Variants in INTS1 observed in about 807,000 individuals in gnomAD.
INTS1 encodes integrator complex subunit 1.
INTS1 carries 137 observed loss-of-function variants against 241.6 expected under a neutral mutation model. That is an observed-to-expected ratio of 0.57 (90% confidence interval 0.49 to 0.65). INTS1 has a LOEUF of 0.65. Ranked by LOEUF, INTS1 falls within the 30% of genes least tolerant of loss-of-function variation. INTS1 has a pLI of 0.00. For synonymous variants in INTS1, 1,692 were observed against 1,337.8 expected (o/e 1.26, Z -5.78); for missense variants, 3,073 against 3,032.2 (o/e 1.01, Z -0.32).
Position 1,499,177 on chromosome 7 carries a change from G to T in INTS1, c.951-16C>A. The stretch of plus-strand genomic sequence containing the variant: ...CTCTTCGTACCTAGGCCAGAGGAGG[G>T]AGCGAGGAGGGAGGAAGGTGGCCCC... On this transcript the variant is annotated splice_polypyrimidine_tract_variant and intron_variant, in intron 7 of 47. Transcript: ENST00000404767. The T allele has an allele frequency of 6.2e-7, 1 of 1,606,526 alleles. No individual in the cohort carries two copies.
chr7:1,488,537 A>G (rs2128539765), intron 18 of INTS1, among the ~76,000 whole-genome samples: 1 of 152,190 alleles, frequency 6.6e-6, no homozygotes, highest in East Asian at 1.9e-4. Flanking sequence ...ACAGGCAGAC[A>G]CACACCCAGT....
At chr7:1,499,210 C>T in intron 7 of INTS1, 45 bp downstream of exon 7, 2 of 1,603,422 alleles carry the variant, frequency 1.2e-6, no homozygotes, top group Non-Finnish European at 1.7e-6. Flanking sequence ...CCCGAGGCGC[C>T]CGCCCCCGCC....
chr7:1,489,900 T>C (rs1400322193), intron 16 of INTS1, among the ~76,000 whole-genome samples: 1 of 152,216 alleles, frequency 6.6e-6, no homozygotes, highest in Non-Finnish European at 1.5e-5. Flanking sequence ...TCTAAGTCTC[T>C]GTTTCCCATC....
intron 22 of INTS1, 34 bp downstream of exon 22, chr7:1,486,591 G>T (rs539539756): frequency 6.3e-7 from 1 of 1,599,828 alleles, no homozygotes; most frequent in Non-Finnish European, 8.5e-7. Context: ...TAAACATGAA[G>T]AGCGTGCGCA....
chr7:1,474,890 C>A, intron 39 of INTS1, 52 bp from the exon 40 acceptor site: 10 of 1,532,258 alleles, frequency 6.5e-6, no homozygotes, highest in Non-Finnish European at 8.8e-6. Context: ...CTCACTTGCC[C>A]ACCCACACTC....
chr7:1,495,191 G>A (rs1396388292), intron 13 of INTS1, among the ~76,000 whole-genome samples: 5 of 152,340 alleles, frequency 3.3e-5, no homozygotes, highest in Non-Finnish European at 5.9e-5. Flanking sequence ...GAGGCTCCAC[G>A]GGAGGCTCCA....
chr7:1,500,616 C>T (rs934826943), intron 3 of INTS1, among the ~76,000 whole-genome samples: 9 of 152,218 alleles, frequency 5.9e-5, no homozygotes, highest in Non-Finnish European at 1.2e-4. Context: ...CGCTGTGTCC[C>T]ACACGACTAC....
At chr7:1,485,552 G>A (rs1782217865) in intron 22 of INTS1, 83 bp from the exon 23 acceptor site, 1 of 1,395,596 alleles carries the variant, frequency 7.2e-7, no homozygotes, top group Non-Finnish European at 9.7e-7. Flanking sequence ...CACGCATGGT[G>A]CCCTCAGAGC....
At chr7:1,501,945 ATC>A (rs1385436792) in intron 3 of INTS1, among the ~76,000 whole-genome samples, 2 of 152,006 alleles carry the variant, frequency 1.3e-5, no homozygotes, top group Non-Finnish European at 2.9e-5. Context: ...CCCCGGTTTC[ATC>A]GCCTGTGCTT....
In INTS1 at chr7:1,489,382, G is replaced by A; in HGVS notation, c.2280C>T (p.Tyr760=). 9.2e-7 allele frequency: 1 copy of A among 1,088,592 alleles called. No individual in the cohort carries two copies. Among genetic ancestry groups the A allele is most frequent in the Non-Finnish European group, 1.1e-6 (1 of 895,748 alleles). The allele number at this position is 1,088,592 out of a possible 1,614,324, so 67.4% of individuals were successfully genotyped here. Residue 760 remains tyrosine (Y), a synonymous_variant, in exon 18 of 48, where the codon TAC becomes TAT. Coordinates refer to ENST00000404767, the MANE Select transcript of INTS1 (RefSeq NM_001080453.3). The stretch of plus-strand genomic sequence containing the variant: ...TCTCCATGAGCATCTTCAGGGTCGG[G>A]TACTCCTCCCACGCAGCCAGGCCTA... ...ENIGLAAWEE[Y]PTLKMLMEMV...
chr7:1,502,726 A>G (rs1337005928), intron 3 of INTS1, among the ~76,000 whole-genome samples, 175 bp downstream of exon 3: 2 of 152,214 alleles, frequency 1.3e-5, no homozygotes, highest in African/African-American at 4.8e-5. Flanking sequence ...AGATGCACAC[A>G]CGGGATAAGG....
intron 41 of INTS1, 26 bp downstream of exon 41, chr7:1,474,122 AGAGGGAGTGGAAGGGAGCGC>A: frequency 6.6e-7 from 1 of 1,520,682 alleles, no homozygotes. Flanking sequence ...GGGCCAGAGC[AGAGGGAGTGGAAGGGAGCGC>A]GAGGGCGGGC....
Position 1,480,377 on chromosome 7 carries a change from C to A in INTS1, c.4014G>T (p.Arg1338=), listed in dbSNP as rs765105302. The change falls in exon 30 of 48, where the codon CGG becomes CGT. Residue 1338 remains arginine, a synonymous_variant. Coordinates refer to ENST00000404767, the MANE Select transcript of INTS1 (RefSeq NM_001080453.3). ...CCAGCACCCGGAGCTGGGTCCCCAC[C>A]CGAATCCGGCCCTGGCCTATGGGCT... ...PEQPIGQGRI[R]VGTQLRVLGP... is the part of the protein sequence containing the mutation. The A allele has an allele frequency of 6.2e-7, 1 of 1,612,582 alleles. No individual in the cohort carries two copies. The highest frequency in any genetic ancestry group is 2.2e-5 in the East Asian group (1 of 44,860).
At chr7:1,485,673 C>G (rs1782224900) in intron 22 of INTS1, 9 of 602,606 alleles carry the variant, frequency 1.5e-5, no homozygotes, top group Non-Finnish European at 2.6e-5. Flanking sequence ...TGAAGCCACT[C>G]TGGACCCTCC....
chr7:1,486,246 ACTT>A (rs1782260899), intron 22 of INTS1, among the ~76,000 whole-genome samples: 1 of 147,518 alleles, frequency 6.8e-6, no homozygotes, highest in Non-Finnish European at 1.5e-5. Flanking sequence ...TACTCATTTT[ACTT>A]CTTTATTTTT....
intron 18 of INTS1, among the ~76,000 whole-genome samples, chr7:1,489,130 C>G (rs1351983685): frequency 1.3e-5 from 2 of 152,176 alleles, no homozygotes; most frequent in African/African-American, 2.4e-5. Context: ...CTCCGTGATG[C>G]CGCCTCAATC....
At chr7:1,492,956 G>A in intron 16 of INTS1, 54 bp downstream of exon 16, 2 of 1,396,598 alleles carry the variant, frequency 1.4e-6, no homozygotes, top group Non-Finnish European at 2.0e-6. Context: ...GTGGGAGTGG[G>A]GAGCGGGGCG....
chr7:1,484,576 T>C (rs550765405), intron 24 of INTS1, among the ~76,000 whole-genome samples: 4 of 152,092 alleles, frequency 2.6e-5, no homozygotes, highest in African/African-American at 9.7e-5. Context: ...GGAGAGAAGA[T>C]GGGAGTCAGC....
Position 1,474,370 on chromosome 7 carries a change from C to T in INTS1, c.5637-10G>A, listed in dbSNP as rs746008836. The T allele has an allele frequency of 1.7e-5, 27 of 1,579,310 alleles. No individual in the cohort carries two copies. Among genetic ancestry groups the T allele is most frequent in the East Asian group, 1.4e-4 (6 of 43,810 alleles). On this transcript the variant is annotated splice_polypyrimidine_tract_variant and intron_variant, in intron 40 of 47. Coordinates refer to ENST00000404767, the MANE Select transcript of INTS1 (RefSeq NM_001080453.3). Reference sequence around the variant, plus strand: ...GATCATGGGCAGGTGCCTGCGGGCGCGGTGAGGGCCCAGTCAGCCCCGGCC... The same window carrying T: ...GATCATGGGCAGGTGCCTGCGGGCGTGGTGAGGGCCCAGTCAGCCCCGGCC...
Sources: allele counts gnomAD v4.1 joint callset (sites outside exome capture counted in the v4.1 genomes callset), GRCh38; gene constraint gnomAD v4.1.1; transcripts MANE v1.5; gene names NCBI Gene and HGNC (gene_info 2026-07-23, HGNC 2026-07-21).